The following PRKCG variants were observed in gnomAD, a reference collection of about 807,000 sequenced individuals.
The protein encoded by PRKCG is protein kinase C gamma type.
In PRKCG, 28 loss-of-function variants were observed where a neutral mutation model predicts 82.0. That is an observed-to-expected ratio of 0.34 (90% CI 0.25 to 0.47). The LOEUF is 0.47. Among genes scored for constraint, PRKCG ranks in the 20% least tolerant of loss-of-function variants. The pLI, the probability that PRKCG is intolerant of heterozygous loss-of-function variation, is 1.00. For synonymous variants in PRKCG, 383 were observed against 376.6 expected (o/e 1.02, Z -0.20); for missense variants, 640 against 952.7 (o/e 0.67, Z 4.32).
chr19:53,901,172 T>C lies in PRKCG; in HGVS notation c.1575+423T>C, dbSNP rs140429644. ...GCAGGGCTCTCCCTGGAGTATTCAG[T>C]TGGATGGAAGCTTATTTCCTGTGTT... On this transcript the variant is annotated intron_variant, in intron 14 of 17. Transcript: ENST00000263431. Among the ~76,000 whole-genome samples the C allele has an allele frequency of 2.9e-3, 443 of 152,302 alleles. 2 individuals carry two copies. The highest frequency in any genetic ancestry group is 0.014 in the Middle Eastern group (4 of 294).
chr19:53,888,485 A>T (rs1157551678), intron 3 of PRKCG, among the ~76,000 whole-genome samples: 1 of 152,120 alleles, frequency 6.6e-6, no homozygotes, highest in East Asian at 1.9e-4. Context: ...ATTTATTTCC[A>T]CTTGACAGAG....
intron 14 of PRKCG, among the ~76,000 whole-genome samples, chr19:53,902,669 C>T (rs2068772036): frequency 6.6e-6 from 1 of 151,866 alleles, no homozygotes; most frequent in Admixed American, 6.6e-5. Context: ...CGGAGGCAGG[C>T]CAATTGCTTG....
At position 53,889,953 on chromosome 19, in the gene PRKCG, C is replaced by A. The variant is rs1236913844; in HGVS notation, c.465C>A (p.Thr155=). Residue 155 remains threonine, a synonymous_variant, in exon 5 of 18, where the codon ACC becomes ACA. Transcript: ENST00000263431. This position sits in a 1 kb window ranked among gnomAD's most constrained non-coding sequence, Gnocchi z 4.4. ...SVPSLCGVDH[T]ERRGRLQLEI... Reference sequence around the variant, plus strand: ...CCTCCCTGTGCGGTGTGGACCACACCGAGCGCCGCGGGCGCCTGCAGCTGG... The same window carrying A: ...CCTCCCTGTGCGGTGTGGACCACACAGAGCGCCGCGGGCGCCTGCAGCTGG... 1.3e-6 allele frequency: 2 copies of A among 1,577,432 alleles called. No homozygotes were observed. The highest frequency in any genetic ancestry group is 1.2e-5 in the South Asian group (1 of 86,306).
rs763673985 is a variant in PRKCG, at chr19:53,891,767, C to T, written c.623C>T (p.Thr208Met). 3 of 1,614,080 alleles carry T rather than the reference C, an allele frequency of 1.9e-6. 1 individual carries two copies. The highest frequency in any genetic ancestry group is 3.3e-4 in the Middle Eastern group (2 of 6,062). Residue 208 changes from threonine (T) to methionine (M), a missense_variant, in exon 6 of 18, where the codon ACG becomes ATG. Physicochemically the swap from Thr to Met is moderately conservative, Grantham distance 81 (BLOSUM62 -1). This residue lies in a region of PRKCG where 261 missense variants were observed against 312.1 expected (regional missense o/e 0.84). Coordinates refer to ENST00000263431, the MANE Select transcript of PRKCG (RefSeq NM_002739.5). ...CTCATCCCAGACCCTCGGAACCTGACGAAACAGAAGACCCGAACGGTGAAA... is the reference window on the plus strand; with the variant it reads ...CTCATCCCAGACCCTCGGAACCTGATGAAACAGAAGACCCGAACGGTGAAA... ...LKLIPDPRNLTKQKTRTVKAT... is the reference protein window; with the variant it reads ...LKLIPDPRNLMKQKTRTVKAT...
rs1168197753 is a variant in PRKCG at position 53,904,762 on chromosome 19, C to A, written c.1764+20C>A. 2 of 1,587,512 alleles carry A rather than the reference C, an allele frequency of 1.3e-6. No homozygotes were observed. Among genetic ancestry groups the A allele is most frequent in the African/African-American group, 1.4e-5 (1 of 72,056 alleles). On this transcript the variant is annotated intron_variant, in intron 16 of 17. Transcript: ENST00000263431. ...AAGGGGGTGAGAGCCCCCTGACTCCCAGCTTCTCCAGGCTCACAACCACAC... is the reference window on the plus strand; with the variant it reads ...AAGGGGGTGAGAGCCCCCTGACTCCAAGCTTCTCCAGGCTCACAACCACAC...
chr19:53,904,799 G>A (rs2068789943), intron 16 of PRKCG, 57 bp downstream of exon 16: 4 of 1,397,842 alleles, frequency 2.9e-6, no homozygotes, highest in Admixed American at 1.8e-5. Context: ...CCCCATTGCT[G>A]TCTCTGTGCC....
At chr19:53,893,306 C>A (rs2068693871) in intron 8 of PRKCG, 56 bp from the exon 9 acceptor site, 5 of 1,567,358 alleles carry the variant, frequency 3.2e-6, no homozygotes, top group Non-Finnish European at 1.8e-6. Flanking sequence ...AGCCCCTGTT[C>A]TAGGGCGATC....
In PRKCG at chr19:53,884,555, C is replaced by A. The variant is rs990189048; in HGVS notation, c.285+312C>A. Among the ~76,000 whole-genome samples, 2 of 151,978 alleles carry A rather than the reference C, an allele frequency of 1.3e-5. No homozygotes were observed. The highest frequency in any genetic ancestry group is 2.1e-4 in the South Asian group (1 of 4,812). On this transcript the variant is annotated intron_variant, in intron 3 of 17. Coordinates refer to ENST00000263431, the MANE Select transcript of PRKCG (RefSeq NM_002739.5). The surrounding 1 kb of genome is among the most constrained non-coding windows in gnomAD (Gnocchi z 4.6). ...TAAAAATTGAGAGCTGAGGGGCACA[C>A]GGAGAAAAATATCAGTGCAGGTGCG...
chr19:53,902,890 C>CAAAAAAAAAAAAAAAAAAAA (rs56955659), intron 14 of PRKCG, among the ~76,000 whole-genome samples, 183 bp from the exon 15 acceptor site: 1 of 19,966 alleles, frequency 5.0e-5, no homozygotes, highest in African/African-American at 1.4e-4. Context: ...GAGACCCTGT[C>CAAAAAAAAAAAAAAAAAAAA]AAAAAAAAAA....
intron 11 of PRKCG, among the ~76,000 whole-genome samples, 198 bp downstream of exon 11, chr19:53,898,826 C>T (rs1228712431): frequency 4.1e-4 from 6 of 14,614 alleles, no homozygotes; most frequent in Admixed American, 1.1e-3. Flanking sequence ...AGGGACTCAT[C>T]GGGGGGCGTG....
At position 53,900,689 on chromosome 19, in the gene PRKCG, C is replaced by T. The variant is rs780647467; in HGVS notation, c.1515C>T (p.Asn505=). ...KITDFGMCKE[N]VFPGTTTRTF... ...CTGACTTTGGCATGTGTAAGGAGAA[C>T]GTCTTCCCCGGGACGACAACCCGCA... The change falls in exon 14 of 18, where the codon AAC becomes AAT. Residue 505 remains asparagine, a synonymous_variant. Coordinates refer to ENST00000263431, the MANE Select transcript of PRKCG (RefSeq NM_002739.5). This position sits in a 1 kb window ranked among gnomAD's most constrained non-coding sequence, Gnocchi z 4.2. The T allele has an allele frequency of 3.7e-6, 6 of 1,614,220 alleles. No homozygotes were observed. The highest frequency in any genetic ancestry group is 2.2e-5 in the East Asian group (1 of 44,886).
intron 5 of PRKCG, 43 bp from the exon 6 acceptor site, chr19:53,891,631 C>T: frequency 1.2e-6 from 2 of 1,610,130 alleles, no homozygotes; most frequent in Non-Finnish European, 1.7e-6. Context: ...GAGCCCCTTC[C>T]TGGATCTCTA....
upstream of PRKCG, among the ~76,000 whole-genome samples, chr19:53,881,317 G>T (rs992198298): frequency 2.0e-5 from 3 of 152,056 alleles, no homozygotes; most frequent in Non-Finnish European, 2.9e-5. Flanking sequence ...GGGAGAGACA[G>T]GGGCAAGCAT....
rs763607343 is a variant in PRKCG at position 53,882,272 on chromosome 19, G to A, written c.-223G>A. 9.5e-6 allele frequency: 6 copies of A among 634,660 alleles called. No individual in the cohort carries two copies. Among genetic ancestry groups the A allele is most frequent in the African/African-American group, 1.9e-5 (1 of 51,308 alleles). 39.3% of individuals were successfully genotyped at this position (634,660 alleles called of 1,614,324 possible). On this transcript the variant is annotated 5_prime_UTR_variant, in exon 1 of 18. Coordinates refer to ENST00000263431, the MANE Select transcript of PRKCG (RefSeq NM_002739.5). The surrounding 1 kb of genome is among the most constrained non-coding windows in gnomAD (Gnocchi z 6.1). ...TCCGGCTGCCGGCGCCCCTGCCTTTGGCTCTTCCTCCCCACTCGCCCGCTC... is the reference window on the plus strand; with the variant it reads ...TCCGGCTGCCGGCGCCCCTGCCTTTAGCTCTTCCTCCCCACTCGCCCGCTC...
At chr19:53,895,735 C>T (rs1311267876) in intron 9 of PRKCG, among the ~76,000 whole-genome samples, 1 of 152,160 alleles carries the variant, frequency 6.6e-6, no homozygotes, top group Non-Finnish European at 1.5e-5. Context: ...ATTAATTCCT[C>T]AGGTGATCCT....
At position 53,904,753 on chromosome 19, in the gene PRKCG, C is replaced by T; in HGVS notation, c.1764+11C>T. On this transcript the variant is annotated intron_variant, in intron 16 of 17. Coordinates refer to ENST00000263431, the MANE Select transcript of PRKCG (RefSeq NM_002739.5). ...GCCATCTGCAAGGGGGTGAGAGCCC[C>T]CTGACTCCCAGCTTCTCCAGGCTCA... The T allele has an allele frequency of 6.2e-7, 1 of 1,607,100 alleles. No homozygotes were observed. The highest frequency in any genetic ancestry group is 8.5e-7 in the Non-Finnish European group (1 of 1,175,354).
In PRKCG at chr19:53,892,770, ACACACACACACG is replaced by A; in HGVS notation, c.821+137_821+148del. On this transcript the variant is annotated intron_variant, in intron 7 of 17. Coordinates refer to ENST00000263431, the MANE Select transcript of PRKCG (RefSeq NM_002739.5). The surrounding 1 kb of genome is among the most constrained non-coding windows in gnomAD (Gnocchi z 5.9). ...AGCATGCGCACACACACACACACAC[ACACACACACACG>A]CACACACACGCACACACCCCTCTCT... 8.3e-7 allele frequency: 1 copy of A among 1,211,204 alleles called. No homozygotes were observed. Among genetic ancestry groups the A allele is most frequent in the Non-Finnish European group, 1.2e-6 (1 of 868,036 alleles). The allele number at this position is 1,211,204 out of a possible 1,614,324, so 75.0% of individuals were successfully genotyped here.
In PRKCG at chr19:53,906,075, C is replaced by CTT. The variant is rs1568763920; in HGVS notation, c.1765-242_1765-241insTT. Among the ~76,000 whole-genome samples, 7 of 47,840 alleles carry CTT rather than the reference C, an allele frequency of 1.5e-4. No individual in the cohort carries two copies. In the African/African-American group the frequency reaches 2.1e-3, roughly 14 times the overall value. The allele number at this position is 47,840 out of a possible 152,430, so 31.4% of individuals were successfully genotyped here. A position where few individuals can be genotyped will look rare whatever the true frequency, so the allele number is the denominator to read the frequency against. On this transcript the variant is annotated intron_variant, in intron 16 of 17. Transcript: ENST00000263431. Reference sequence around the variant, plus strand: ...TCCTCCTCCTCCTCCTCCTCCTCCTCCTCCTCCTCCTTCTTCTTCTTCTTC... The same window carrying CTT: ...TCCTCCTCCTCCTCCTCCTCCTCCTCTTCTCCTCCTCCTTCTTCTTCTTCTTC...
Position 53,883,247 on chromosome 19 carries a change from G to A in PRKCG, c.202+53G>A. 2.5e-6 allele frequency: 4 copies of A among 1,606,172 alleles called. No individual in the cohort carries two copies. The highest frequency in any genetic ancestry group is 3.4e-6 in the Non-Finnish European group (4 of 1,173,624). On this transcript the variant is annotated intron_variant, in intron 2 of 17. Coordinates refer to ENST00000263431, the MANE Select transcript of PRKCG (RefSeq NM_002739.5). The surrounding 1 kb of genome is among the most constrained non-coding windows in gnomAD (Gnocchi z 5.4). ...GACCCTCAGGAGGGTGGAGGCTGGG[G>A]CCCCACAGCTGAGGCTGCTTGACAC...
Sources: gnomAD v4.1 joint callset for allele counts (sites outside exome capture counted in the v4.1 genomes callset) on GRCh38, gnomAD v4.1.1 for gene constraint, gnomAD v4.1.1 regional missense constraint, Gnocchi (gnomAD v3.1) non-coding constraint, MANE v1.5 for transcripts, NCBI Gene and HGNC (gene_info 2026-07-23, HGNC 2026-07-21) for gene names.